BCOR: variants seen among roughly 807,000 people sequenced by gnomAD.
BCOR encodes the protein BCL-6 corepressor.
In BCOR, 10 loss-of-function variants were observed where a neutral mutation model predicts 86.7. That is an observed-to-expected ratio of 0.12 (90% confidence interval 0.07 to 0.20). The LOEUF (loss-of-function observed/expected upper bound fraction) is 0.20. Ranked by LOEUF, BCOR falls within the 10% of genes least tolerant of loss-of-function variation. The pLI is 1.00. For missense variants in BCOR, 1,259 were observed against 1,452.1 expected (o/e 0.87, Z 2.16); for synonymous variants, 611 against 609.0 (o/e 1.00, Z -0.05).
intron 1 of BCOR, among the ~76,000 whole-genome samples, chrX:40,148,567 G>A: frequency 9.0e-6 from 1 of 111,388 alleles, no homozygotes; most frequent in Middle Eastern, 4.6e-3. Flanking sequence ...TGGGGGAGGA[G>A]GCCCATGTCT....
intron 1 of BCOR, among the ~76,000 whole-genome samples, chrX:40,161,766 G>T: frequency 9.0e-6 from 1 of 111,397 alleles, no homozygotes; most frequent in Non-Finnish European, 1.9e-5. Flanking sequence ...GCCCGCCTCG[G>T]CCTCCCAAAG....
chrX:40,107,152 G>C (rs1277907674), intron 1 of BCOR, among the ~76,000 whole-genome samples: 1 of 112,320 alleles, frequency 8.9e-6, no homozygotes, highest in African/African-American at 3.2e-5. Flanking sequence ...GGATTTGTTG[G>C]AATCTGTCAC....
chrX:40,078,098 C>A, intron 1 of BCOR, 129 bp from the exon 2 acceptor site: 1 of 481,474 alleles, frequency 2.1e-6, no homozygotes. Context: ...TGCCTGCTGT[C>A]TACAGTGGTC....
chrX:40,110,661 C>CTTTTTTTTTTTTTTTTTTT lies in BCOR; in HGVS notation c.-40-32693_-40-32692insAAAAAAAAAAAAAAAAAAA, dbSNP rs1569182584. Among the ~76,000 whole-genome samples, 2 of 24,670 alleles carry CTTTTTTTTTTTTTTTTTTT rather than the reference C, an allele frequency of 8.1e-5. 1 individual carries two copies. Among genetic ancestry groups the CTTTTTTTTTTTTTTTTTTT allele is most frequent in the Admixed American group, 1.3e-3 (2 of 1,582 alleles). 21.4% of individuals were successfully genotyped at this position (24,670 alleles called of 115,157 possible). On this transcript the variant is annotated intron_variant, in intron 1 of 14. Coordinates refer to the BCOR transcript ENST00000342274. ...TTTCTTTTCTTTTTTTTCTTTTTTC[C>CTTTTTTTTTTTTTTTTTTT]TTTTTCTTTTTTTTTTTTTTTTTTT...
rs1936960527 is a variant in BCOR, at chrX:40,097,717, G to A, written c.-543C>T. Among the ~76,000 whole-genome samples the A allele has an allele frequency of 9.1e-6, 1 of 110,355 alleles. No homozygotes were observed. Among genetic ancestry groups the A allele is most frequent in the African/African-American group, 3.3e-5 (1 of 30,450 alleles). ...CGGTTCGCCGCGAGCGCCCGCTCGG[G>A]CTGGGTGTGTGTGAGTGTGTGTGAG... On this transcript the variant is annotated 5_prime_UTR_variant, in exon 1 of 15. Transcript: ENST00000378444.
At chrX:40,053,563 C>CA (rs775069826) in intron 14 of BCOR, among the ~76,000 whole-genome samples, 1 of 111,933 alleles carries the variant, frequency 8.9e-6, no homozygotes, top group Admixed American at 9.4e-5. Context: ...GACACCTTCT[C>CA]AAAGTGTTTA....
chrX:40,125,936 GC>G (rs1937533111), intron 1 of BCOR, among the ~76,000 whole-genome samples: 1 of 111,411 alleles, frequency 9.0e-6, no homozygotes, highest in African/African-American at 3.3e-5. Flanking sequence ...AGTCGGCCAG[GC>G]GCGGTGGCTC....
chrX:40,114,866 T>G (rs1286030971), intron 1 of BCOR, among the ~76,000 whole-genome samples: 2 of 101,890 alleles, frequency 2.0e-5, no homozygotes, highest in Non-Finnish European at 2.0e-5. Context: ...TTTTTTTTTT[T>G]TTTTGAGTTG....
At chrX:40,095,251 G>A (rs927751043) in intron 1 of BCOR, among the ~76,000 whole-genome samples, 19 of 112,093 alleles carry the variant, frequency 1.7e-4, no homozygotes, top group African/African-American at 5.8e-4. Flanking sequence ...GAGTGGGCAG[G>A]GTCAAGGAAC....
intron 1 of BCOR, among the ~76,000 whole-genome samples, chrX:40,107,243 C>CAG (rs1174559901): frequency 9.0e-6 from 1 of 111,713 alleles, no homozygotes; most frequent in Non-Finnish European, 1.9e-5. Context: ...AGGGTCGGGT[C>CAG]AGAAACCTAG....
chrX:40,081,462 T>C (rs1216750322), intron 1 of BCOR, among the ~76,000 whole-genome samples: 1 of 112,523 alleles, frequency 8.9e-6, no homozygotes, highest in Non-Finnish European at 1.9e-5. Context: ...GGCCAAGTGC[T>C]TCGAAACTGA....
intron 1 of BCOR, among the ~76,000 whole-genome samples, chrX:40,133,550 C>G (rs1448684156): frequency 2.7e-5 from 3 of 110,761 alleles, no homozygotes; most frequent in Non-Finnish European, 5.7e-5. Flanking sequence ...AGCTCCGCCT[C>G]CCGGGTTCAT....
rs1269355359 is a variant in BCOR at position 40,054,337 on chromosome X, G to A, written c.4742-4C>T. On this transcript the variant is annotated splice_polypyrimidine_tract_variant and splice_region_variant and intron_variant, in intron 12 of 14. Coordinates refer to ENST00000378444, the MANE Select transcript of BCOR (RefSeq NM_001123385.2). ...CCCTGGAGGTCATTTAAATAATCTGGAGGGAGAGAAAAATAAAAAAACAAG... is the reference window on the plus strand; with the variant it reads ...CCCTGGAGGTCATTTAAATAATCTGAAGGGAGAGAAAAATAAAAAAACAAG... The A allele has an allele frequency of 3.4e-6, 4 of 1,189,869 alleles. No homozygotes were observed. Among genetic ancestry groups the A allele is most frequent in the South Asian group, 3.6e-5 (2 of 55,463 alleles).
At chrX:40,075,960 G>A (rs1935787897) in intron 3 of BCOR, among the ~76,000 whole-genome samples, 1 of 110,936 alleles carries the variant, frequency 9.0e-6, no homozygotes, top group Non-Finnish European at 1.9e-5. Flanking sequence ...GTGCAGGAAG[G>A]CATGACTTAA....
intron 1 of BCOR, among the ~76,000 whole-genome samples, chrX:40,087,103 G>A (rs916243530): frequency 8.8e-6 from 1 of 113,473 alleles, no homozygotes; most frequent in Non-Finnish European, 1.9e-5. Flanking sequence ...GCTCAGCAAA[G>A]TGGGGTCTGG....
At chrX:40,078,841 C>T (rs1262027533) in intron 1 of BCOR, among the ~76,000 whole-genome samples, 1 of 105,589 alleles carries the variant, frequency 9.5e-6, no homozygotes, top group African/African-American at 3.5e-5. Context: ...TTTACCTCCT[C>T]TGCCCACCGC....
chrX:40,171,496 T>TG (rs10708196), intron 1 of BCOR, among the ~76,000 whole-genome samples: 1,115 of 63,669 alleles, frequency 0.018, 3 homozygotes, highest in East Asian at 0.054. Context: ...TTAATCCCCA[T>TG]GGGGGGGGGG....
At chrX:40,085,130 A>G (rs1262438313) in intron 1 of BCOR, among the ~76,000 whole-genome samples, 1 of 113,295 alleles carries the variant, frequency 8.8e-6, no homozygotes, top group East Asian at 2.8e-4. Flanking sequence ...AACAGCGCTG[A>G]GCAGATGTGA....
Position 40,074,629 on chromosome X carries a change from G to A in BCOR, c.717C>T (p.Thr239=), listed in dbSNP as rs1602156611. The change falls in exon 4 of 15, where the codon ACC becomes ACT. Residue 239 remains threonine (T), a synonymous_variant. Coordinates refer to ENST00000378444, the MANE Select transcript of BCOR (RefSeq NM_001123385.2). ...LAQPLYSPVC[T]NGERFLYLPP... ...GCAGGTAGAGAAAGCGCTCCCCATT[G>A]GTGCAGACTGGAGAATACAGCGGCT... 1.7e-6 allele frequency: 2 copies of A among 1,210,634 alleles called. No homozygotes were observed. Among genetic ancestry groups the A allele is most frequent in the East Asian group, 5.9e-5 (2 of 33,766 alleles).
Sources: allele counts gnomAD v4.1 joint callset (sites outside exome capture counted in the v4.1 genomes callset), GRCh38; gene constraint gnomAD v4.1.1; transcripts MANE v1.5; gene names NCBI Gene and HGNC (gene_info 2026-07-23, HGNC 2026-07-21).